SGCZ: variants seen among roughly 807,000 people sequenced by gnomAD.
The protein encoded by SGCZ is zeta-sarcoglycan.
Under a neutral mutation model 41.3 loss-of-function variants are expected in SGCZ, and 40 were observed. The ratio of observed to expected loss-of-function variants is 0.97; its 90% CI spans 0.75 to 1.26. SGCZ has a LOEUF of 1.26. SGCZ is among the 50% of genes most tolerant of loss of function. SGCZ has a pLI of 0.00. For missense variants in SGCZ, 552 were observed against 369.8 expected (o/e 1.49, Z -4.04); for synonymous variants, 206 against 137.5 (o/e 1.50, Z -3.49).
chr8:15,173,781 C>G (rs901057219), intron 1 of SGCZ, among the ~76,000 whole-genome samples: 2 of 152,072 alleles, frequency 1.3e-5, no homozygotes, highest in South Asian at 4.1e-4. Context: ...GAGACACCAC[C>G]CAGGCTGAAA....
chr8:14,878,701 T>A (rs551703770), intron 1 of SGCZ, among the ~76,000 whole-genome samples: 15 of 152,300 alleles, frequency 9.8e-5, no homozygotes, highest in African/African-American at 2.9e-4. Flanking sequence ...ATAATGAGAA[T>A]GATTCCTGTG....
chr8:14,196,900 G>C (rs1396205997), intron 4 of SGCZ, among the ~76,000 whole-genome samples: 1 of 152,034 alleles, frequency 6.6e-6, no homozygotes, highest in Non-Finnish European at 1.5e-5. Context: ...CAAATATCCA[G>C]AAATGCCATA....
chr8:14,409,687 T>C (rs1213350642), intron 2 of SGCZ, among the ~76,000 whole-genome samples: 1 of 152,162 alleles, frequency 6.6e-6, no homozygotes, highest in Non-Finnish European at 1.5e-5. Flanking sequence ...ACCATATTTG[T>C]GAAATAACGT....
chr8:14,098,137 A>C (rs547212299), intron 7 of SGCZ, among the ~76,000 whole-genome samples: 2 of 152,326 alleles, frequency 1.3e-5, no homozygotes, highest in South Asian at 4.1e-4. Context: ...AAATGAATAC[A>C]TTATAAAACA....
At chr8:14,760,068 A>G (rs1292144403) in intron 1 of SGCZ, among the ~76,000 whole-genome samples, 1 of 152,040 alleles carries the variant, frequency 6.6e-6, no homozygotes, top group Admixed American at 6.6e-5. Context: ...CTAACCCACC[A>G]CCCGCCCCAT....
rs1178431641 is a variant in SGCZ, at chr8:14,126,365, A to AACAT, written c.548-18134_548-18131dup. On this transcript the variant is annotated intron_variant, in intron 5 of 7. Transcript: ENST00000382080. ...AAAGAAGACATTTATTCAGCCAACA[A>AACAT]ACATATAACGAAAAAACTCAACATC... Among the ~76,000 whole-genome samples, 3 of 152,356 alleles carry AACAT rather than the reference A, an allele frequency of 2.0e-5. No individual in the cohort carries two copies. In the East Asian group the frequency reaches 5.8e-4, roughly 29 times the overall value.
At chr8:15,001,870 C>G (rs1187309451) in intron 1 of SGCZ, among the ~76,000 whole-genome samples, 1 of 151,800 alleles carries the variant, frequency 6.6e-6, no homozygotes, top group Non-Finnish European at 1.5e-5. Flanking sequence ...AAGTGAAAAG[C>G]TTGTTCCCAG....
chr8:15,125,009 C>A (rs1284663604), intron 1 of SGCZ, among the ~76,000 whole-genome samples: 3 of 151,788 alleles, frequency 2.0e-5, no homozygotes, highest in Non-Finnish European at 4.4e-5. Flanking sequence ...ATATAGTAAC[C>A]TTTTATGCAC....
chr8:14,392,991 A>C (rs1220160965), intron 2 of SGCZ, among the ~76,000 whole-genome samples: 1 of 152,126 alleles, frequency 6.6e-6, no homozygotes, highest in African/African-American at 2.4e-5. Context: ...TTTTCAGGAG[A>C]TAGAACTCAA....
chr8:14,972,917 C>T (rs1303784180), intron 1 of SGCZ, among the ~76,000 whole-genome samples: 2 of 152,168 alleles, frequency 1.3e-5, no homozygotes, highest in Non-Finnish European at 2.9e-5. Flanking sequence ...TTTATTTACA[C>T]TTATCATTTC....
intron 2 of SGCZ, among the ~76,000 whole-genome samples, chr8:14,422,170 TATA>T (rs572183921): frequency 3.5e-4 from 53 of 152,222 alleles, no homozygotes; most frequent in Non-Finnish European, 7.2e-4. Context: ...CTCATGAAAA[TATA>T]ATCCAAAATA....
chr8:14,607,307 T>C (rs1238021076), intron 1 of SGCZ, among the ~76,000 whole-genome samples: 1 of 152,348 alleles, frequency 6.6e-6, no homozygotes, highest in East Asian at 1.9e-4. Context: ...CTTCAGATTG[T>C]ACATTTCCAA....
chr8:14,144,790 T>C (rs2116933487), intron 5 of SGCZ, among the ~76,000 whole-genome samples: 1 of 152,172 alleles, frequency 6.6e-6, no homozygotes, highest in Admixed American at 6.5e-5. Context: ...GCATTCACCA[T>C]AAGCTGATAT....
intron 1 of SGCZ, among the ~76,000 whole-genome samples, chr8:14,822,204 A>G (rs982807960): frequency 8.5e-5 from 13 of 152,290 alleles, no homozygotes; most frequent in African/African-American, 3.1e-4. Context: ...AATTAAGCCT[A>G]TGAAGAAGAA....
At chr8:14,977,687 G>A (rs1401605972) in intron 1 of SGCZ, among the ~76,000 whole-genome samples, 1 of 151,880 alleles carries the variant, frequency 6.6e-6, no homozygotes, top group Non-Finnish European at 1.5e-5. Context: ...AAAGCCCAAA[G>A]TTTTGAGAAA....
At chr8:14,726,336 A>ATATATATATATG (rs1810055947) in intron 1 of SGCZ, among the ~76,000 whole-genome samples, 1 of 145,188 alleles carries the variant, frequency 6.9e-6, no homozygotes, top group Non-Finnish European at 1.5e-5. Context: ...ATATATATAT[A>ATATATATATATG]TATATAAAAT....
chr8:14,644,946 A>G (rs4831628), intron 1 of SGCZ, among the ~76,000 whole-genome samples: 81,966 of 125,624 alleles, frequency 0.65, 22,699 homozygotes, highest in South Asian at 0.75. Context: ...GTGTAGTTGC[A>G]TAAATAAAAA....
chr8:14,665,233 A>G (rs974006571), intron 1 of SGCZ, among the ~76,000 whole-genome samples: 8 of 151,952 alleles, frequency 5.3e-5, no homozygotes, highest in South Asian at 2.1e-4. Flanking sequence ...TCATTGTTCA[A>G]TTCCCACCTA....
intron 2 of SGCZ, among the ~76,000 whole-genome samples, chr8:14,476,138 C>T (rs1362925717): frequency 1.3e-5 from 2 of 152,230 alleles, no homozygotes; most frequent in Non-Finnish European, 2.9e-5. Context: ...TAAGGAATGC[C>T]CTGACGGCTG....
Sources: allele counts gnomAD v4.1 joint callset (sites outside exome capture counted in the v4.1 genomes callset), GRCh38; gene constraint gnomAD v4.1.1; transcripts MANE v1.5; gene names NCBI Gene and HGNC (gene_info 2026-07-23, HGNC 2026-07-21).